The following NTRK3 variants were observed in gnomAD, a reference collection of about 807,000 sequenced individuals.
The protein encoded by NTRK3 is neurotrophic receptor tyrosine kinase 3.
NTRK3 carries 24 observed loss-of-function variants against 91.7 expected under a neutral mutation model. That is an observed-to-expected ratio of 0.26 (90% CI 0.19 to 0.37). NTRK3 has a LOEUF of 0.37. NTRK3 is among the 10% of genes least tolerant of loss of function. NTRK3 has a pLI of 1.00. For missense variants in NTRK3, 880 were observed against 1,068.9 expected (o/e 0.82, Z 2.46); for synonymous variants, 483 against 404.0 (o/e 1.20, Z -2.34).
chr15:88,238,764 T>C (rs1310400392), intron 3 of NTRK3, among the ~76,000 whole-genome samples: 1 of 152,254 alleles, frequency 6.6e-6, no homozygotes, highest in African/African-American at 2.4e-5. Context: ...ATCATCTCAC[T>C]ATGCCGTGAT....
intron 17 of NTRK3, among the ~76,000 whole-genome samples, chr15:87,921,944 A>T (rs1435708534): frequency 6.6e-6 from 1 of 151,958 alleles, no homozygotes; most frequent in Non-Finnish European, 1.5e-5. Context: ...TTCTATCATT[A>T]TTCAAGTGTA....
chr15:88,236,452 C>T (rs2051748675), intron 3 of NTRK3, among the ~76,000 whole-genome samples: 2 of 140,054 alleles, frequency 1.4e-5, no homozygotes, highest in South Asian at 4.6e-4. Context: ...TCAGGAGGAT[C>T]ACTTAGGGCC....
chr15:88,060,920 G>A (rs1259758028), intron 13 of NTRK3, among the ~76,000 whole-genome samples: 1 of 151,650 alleles, frequency 6.6e-6, no homozygotes, highest in Non-Finnish European at 1.5e-5. Flanking sequence ...TTTGCACCTT[G>A]ATATCAGACA....
intron 13 of NTRK3, among the ~76,000 whole-genome samples, chr15:88,041,643 C>T (rs146947331): frequency 9.3e-4 from 142 of 152,242 alleles, no homozygotes; most frequent in African/African-American, 3.3e-3. Context: ...CAAGGGCTCC[C>T]GCCAACACCT....
intron 3 of NTRK3, among the ~76,000 whole-genome samples, chr15:88,230,724 A>C (rs960016537): frequency 6.6e-6 from 1 of 152,226 alleles, no homozygotes; most frequent in East Asian, 1.9e-4. Flanking sequence ...GGGGAGAGGA[A>C]ACATAAAAGA....
chr15:88,197,516 G>A (rs576476635), intron 3 of NTRK3, among the ~76,000 whole-genome samples: 7 of 152,282 alleles, frequency 4.6e-5, no homozygotes, highest in African/African-American at 1.7e-4. Context: ...CCTTAAGCCT[G>A]CAGGAAATCT....
At chr15:88,014,749 G>C (rs2077110927) in intron 14 of NTRK3, among the ~76,000 whole-genome samples, 1 of 152,114 alleles carries the variant, frequency 6.6e-6, no homozygotes, top group Non-Finnish European at 1.5e-5. Flanking sequence ...CTACCTCTCC[G>C]GCAACACCGG....
chr15:88,072,122 C>T (rs922147165), intron 13 of NTRK3, among the ~76,000 whole-genome samples: 2 of 151,462 alleles, frequency 1.3e-5, no homozygotes, highest in Non-Finnish European at 2.9e-5. Context: ...TCTCCTGCCT[C>T]AGCCTCCTGA....
At chr15:88,182,555 C>T (rs376192993) in intron 5 of NTRK3, among the ~76,000 whole-genome samples, 1 of 152,188 alleles carries the variant, frequency 6.6e-6, no homozygotes, top group African/African-American at 2.4e-5. Context: ...GACCCCTCCC[C>T]ACCTGGTTCC....
intron 13 of NTRK3, among the ~76,000 whole-genome samples, chr15:88,108,251 T>C (rs578109048): frequency 6.6e-6 from 1 of 152,236 alleles, no homozygotes; most frequent in East Asian, 1.9e-4. Flanking sequence ...CATCCCCAAA[T>C]ACACTCCTGC....
At chr15:88,179,615 A>C (rs1376095254) in intron 5 of NTRK3, among the ~76,000 whole-genome samples, 1 of 152,058 alleles carries the variant, frequency 6.6e-6, no homozygotes, top group African/African-American at 2.4e-5. Context: ...AGTCTGTGTG[A>C]GCCATGCCAG....
At chr15:87,964,497 CATT>C (rs2072610722) in intron 14 of NTRK3, among the ~76,000 whole-genome samples, 1 of 151,750 alleles carries the variant, frequency 6.6e-6, no homozygotes, top group South Asian at 2.1e-4. Flanking sequence ...TTTATTGAGA[CATT>C]ATTTTACATA....
chr15:88,059,616 G>C (rs1332747573), intron 13 of NTRK3, among the ~76,000 whole-genome samples: 1 of 152,138 alleles, frequency 6.6e-6, no homozygotes, highest in Non-Finnish European at 1.5e-5. Flanking sequence ...ATGCTGCCGG[G>C]AAGTTTGCAC....
At chr15:88,239,597 T>G (rs1445921411) in intron 3 of NTRK3, among the ~76,000 whole-genome samples, 1 of 151,984 alleles carries the variant, frequency 6.6e-6, no homozygotes, top group East Asian at 1.9e-4. Flanking sequence ...AAGGTCAGCA[T>G]GGGGCCAAAG....
intron 15 of NTRK3, 37 bp downstream of exon 15, chr15:87,940,586 G>A (rs1348752010): frequency 6.2e-7 from 1 of 1,612,792 alleles, no homozygotes; most frequent in South Asian, 1.1e-5. Flanking sequence ...CCCTCAGCCA[G>A]CCCTCCTCCT....
At chr15:87,879,325 G>C (rs1263698691) in intron 18 of NTRK3, among the ~76,000 whole-genome samples, 1 of 152,160 alleles carries the variant, frequency 6.6e-6, no homozygotes, top group Non-Finnish European at 1.5e-5. Context: ...GTTTCATAGG[G>C]ATGTTTCATA....
intron 5 of NTRK3, among the ~76,000 whole-genome samples, chr15:88,169,415 G>C (rs1202504982): frequency 6.6e-6 from 1 of 152,136 alleles, no homozygotes; most frequent in African/African-American, 2.4e-5. Context: ...CCCTTGTGGA[G>C]GAAGCACCAA....
Position 87,982,149 on chromosome 15 carries a change from A to G in NTRK3, c.1586-41396T>C, listed in dbSNP as rs184225894. On this transcript the variant is annotated intron_variant, in intron 14 of 18. Coordinates refer to ENST00000394480, the Ensembl canonical transcript of NTRK3. ...TTCGTGAACATGAGCCCTTTCCCAT[A>G]TGAGCCGGGATCTGAAGTTTGTTTT... 1.9e-4 allele frequency among the ~76,000 whole-genome samples: 29 copies of G among 152,236 alleles called. No individual in the cohort carries two copies. The East Asian group carries it at 3.7e-3, about 19-fold the overall frequency.
At chr15:88,090,058 ACT>A (rs1268905677) in intron 13 of NTRK3, among the ~76,000 whole-genome samples, 2 of 151,776 alleles carry the variant, frequency 1.3e-5, no homozygotes, top group African/African-American at 4.8e-5. Flanking sequence ...TCTGCCAGGA[ACT>A]CTCTTCCCCG....
Sources: gnomAD v4.1 joint callset for allele counts (sites outside exome capture counted in the v4.1 genomes callset) on GRCh38, gnomAD v4.1.1 for gene constraint, MANE v1.5 for transcripts, NCBI Gene and HGNC (gene_info 2026-07-23, HGNC 2026-07-21) for gene names.